LRRC7: variants seen among roughly 807,000 people sequenced by gnomAD.
LRRC7 encodes leucine-rich repeat-containing protein 7.
A neutral mutation model predicts 175.7 loss-of-function variants in LRRC7; 23 were observed. The observed-to-expected ratio is 0.13, with a 90% CI of 0.09 to 0.19. The LOEUF (loss-of-function observed/expected upper bound fraction) is 0.19, where lower values mean the gene tolerates loss of function less well. Ranked by LOEUF, LRRC7 falls within the 10% of genes least tolerant of loss-of-function variation. The pLI, the probability that LRRC7 is intolerant of heterozygous loss-of-function variation, is 1.00. For missense variants in LRRC7, 1,354 were observed against 1,904.7 expected, an observed-to-expected ratio of 0.71 and a Z score of 5.38; for synonymous variants, 685 against 680.9, an observed-to-expected ratio of 1.01 and a Z score of -0.09.
At chr1:69,932,250 A>C (rs931357607) in intron 8 of LRRC7, among the ~76,000 whole-genome samples, 1 of 152,200 alleles carries the variant, frequency 6.6e-6, no homozygotes, top group African/African-American at 2.4e-5. Context: ...CAAAAAATTC[A>C]ATTCATCTAA....
At chr1:69,977,792 G>A (rs139200639) in intron 8 of LRRC7, among the ~76,000 whole-genome samples, 42 of 152,244 alleles carry the variant, frequency 2.8e-4, no homozygotes, top group Middle Eastern at 3.4e-3. Context: ...GGGCAGAAAC[G>A]CATGCTGGAC....
chr1:70,023,256 A>G lies in LRRC7; in HGVS notation c.1676A>G (p.Gln559Arg). 1.9e-6 allele frequency: 3 copies of G among 1,613,404 alleles called. No individual in the cohort carries two copies. The highest frequency in any genetic ancestry group is 2.5e-6 in the Non-Finnish European group (3 of 1,179,610). ...CAGATCCAAGATATGCCCGTCCCCC[A>G]GAATGACCCACAGCTGGCATGGGGT... Reference protein sequence around the residue: ...DQQIQDMPVPQNDPQLAWGCI... With the variant: ...DQQIQDMPVPRNDPQLAWGCI... The change falls in exon 17 of 27, where the codon CAG becomes CGG. Residue 559 changes from glutamine (Q) to arginine (R), a missense_variant. Physicochemically the swap from Gln to Arg is conservative, Grantham distance 43 (BLOSUM62 1). Transcript: ENST00000651989.
At chr1:69,604,178 G>A (rs1647210796) in intron 1 of LRRC7, among the ~76,000 whole-genome samples, 1 of 152,012 alleles carries the variant, frequency 6.6e-6, no homozygotes, top group Non-Finnish European at 1.5e-5. Context: ...AATTTACGTA[G>A]ATGAATTTTT....
At chr1:69,810,287 G>A (rs2101136854) in intron 4 of LRRC7, among the ~76,000 whole-genome samples, 1 of 152,112 alleles carries the variant, frequency 6.6e-6, no homozygotes, top group South Asian at 2.1e-4. Flanking sequence ...AAAAACAAAT[G>A]GAAAAACATT....
chr1:69,914,097 C>G (rs1287482152), intron 7 of LRRC7, among the ~76,000 whole-genome samples: 1 of 152,084 alleles, frequency 6.6e-6, no homozygotes, highest in Non-Finnish European at 1.5e-5. Context: ...AGAAGTTTTC[C>G]TGTCCTTGTG....
intron 2 of LRRC7, among the ~76,000 whole-genome samples, chr1:69,699,094 A>G (rs1348092628): frequency 6.6e-6 from 1 of 152,114 alleles, no homozygotes; most frequent in Admixed American, 6.6e-5. Context: ...AACTAGTTCA[A>G]CCATTGTGGA....
chr1:69,600,696 T>C (rs1647017912), intron 1 of LRRC7, among the ~76,000 whole-genome samples: 1 of 151,644 alleles, frequency 6.6e-6, no homozygotes, highest in South Asian at 2.1e-4. Context: ...TTTCTTATAA[T>C]AACTTTCTTG....
rs535289325 is a variant in LRRC7 at position 69,784,472 on chromosome 1, A to G, written c.304-7571A>G. On this transcript the variant is annotated intron_variant, in intron 3 of 26. Coordinates refer to ENST00000651989, the MANE Select transcript of LRRC7 (RefSeq NM_001370785.2). ...CACAAACAATAATAAAATAAATACAATGACTCACAAAAGACATGGTTCCTC... is the reference window on the plus strand; with the variant it reads ...CACAAACAATAATAAAATAAATACAGTGACTCACAAAAGACATGGTTCCTC... Among the ~76,000 whole-genome samples the G allele has an allele frequency of 3.9e-5, 6 of 152,346 alleles. No individual in the cohort carries two copies. In the East Asian group the frequency reaches 9.6e-4, roughly 24 times the overall value.
chr1:70,101,636 A>C (rs185595543), intron 25 of LRRC7, among the ~76,000 whole-genome samples: 45 of 152,356 alleles, frequency 3.0e-4, no homozygotes, highest in Non-Finnish European at 4.4e-4. Context: ...TTAACAATGC[A>C]AGAAGCCTCC....
At chr1:69,708,636 G>T (rs1664335962) in intron 2 of LRRC7, among the ~76,000 whole-genome samples, 1 of 152,160 alleles carries the variant, frequency 6.6e-6, no homozygotes, top group Non-Finnish European at 1.5e-5. Context: ...CATTGGTTGG[G>T]GGCCTGATGG....
rs950810188 is a variant in LRRC7 at position 70,123,573 on chromosome 1, T to A, written c.*1686T>A. 6.6e-6 allele frequency: 1 copy of A among 152,208 alleles called. No homozygotes were observed. The highest frequency in any genetic ancestry group is 6.5e-5 in the Admixed American group (1 of 15,282). The allele number at this position is 152,208 out of a possible 1,614,324, so 9.4% of individuals were successfully genotyped here. A position where few individuals can be genotyped will look rare whatever the true frequency, so the allele number is the denominator to read the frequency against. ...TATAGATGATGCACTAATTTTGATG[T>A]TGCTTTATGTCAGGGTGACATTATA... is the stretch of plus-strand genomic sequence containing the variant. On this transcript the variant is annotated 3_prime_UTR_variant, in exon 27 of 27. Transcript: ENST00000651989.
chr1:70,052,544 G>C (rs1166883877), intron 22 of LRRC7, among the ~76,000 whole-genome samples: 3 of 151,928 alleles, frequency 2.0e-5, no homozygotes, highest in Admixed American at 6.6e-5. Flanking sequence ...AGCACTATTT[G>C]GGTTTAGTGC....
chr1:69,756,424 A>T (rs1229427781), intron 2 of LRRC7, among the ~76,000 whole-genome samples: 2 of 151,858 alleles, frequency 1.3e-5, no homozygotes, highest in Non-Finnish European at 2.9e-5. Flanking sequence ...GAAAGGGCTC[A>T]TCAAGTGCCT....
At chr1:69,985,647 C>T (rs1187844507) in intron 9 of LRRC7, among the ~76,000 whole-genome samples, 1 of 152,204 alleles carries the variant, frequency 6.6e-6, no homozygotes, top group Non-Finnish European at 1.5e-5. Flanking sequence ...ACTCCCCATC[C>T]ACCCAGCTCC....
At chr1:69,795,366 C>T (rs1675611118) in intron 4 of LRRC7, among the ~76,000 whole-genome samples, 1 of 134,992 alleles carries the variant, frequency 7.4e-6, no homozygotes, top group African/African-American at 2.8e-5. Flanking sequence ...CAGAGCAAGA[C>T]ACCGTCTCGA....
chr1:69,858,953 T>C (rs557184072), intron 7 of LRRC7, among the ~76,000 whole-genome samples: 60 of 152,092 alleles, frequency 3.9e-4, no homozygotes, highest in Non-Finnish European at 8.1e-4. Context: ...ATTGCAAATA[T>C]ATACGAACTC....
chr1:69,787,317 A>G (rs1199028937), intron 3 of LRRC7, among the ~76,000 whole-genome samples: 1 of 152,088 alleles, frequency 6.6e-6, no homozygotes, highest in African/African-American at 2.4e-5. Flanking sequence ...CTCTCAGAGG[A>G]TCTACCATTC....
At position 69,883,915 on chromosome 1, in the gene LRRC7, A is replaced by G. The variant is rs1361553294; in HGVS notation, c.647+45632A>G. Among the ~76,000 whole-genome samples, 3 of 84,566 alleles carry G rather than the reference A, an allele frequency of 3.5e-5. 1 individual carries two copies. Among genetic ancestry groups the G allele is most frequent in the Non-Finnish European group, 4.9e-5 (2 of 40,626 alleles). The allele number at this position is 84,566 out of a possible 152,430, so 55.5% of individuals were successfully genotyped here. On this transcript the variant is annotated intron_variant, in intron 7 of 26. Coordinates refer to ENST00000651989, the MANE Select transcript of LRRC7 (RefSeq NM_001370785.2). ...GTTTTTCTCAGGTTTGTCAAAGATC[A>G]GATAGTTGTAGATATGCGGCATTAT...
intron 7 of LRRC7, among the ~76,000 whole-genome samples, chr1:69,910,665 G>A (rs1405598302): frequency 6.6e-6 from 1 of 152,206 alleles, no homozygotes; most frequent in Non-Finnish European, 1.5e-5. Context: ...TGCTTCAGGA[G>A]GCAGTCTGCC....
Sources: allele counts gnomAD v4.1 joint callset (sites outside exome capture counted in the v4.1 genomes callset), GRCh38; gene constraint gnomAD v4.1.1; transcripts MANE v1.5; gene names NCBI Gene and HGNC (gene_info 2026-07-23, HGNC 2026-07-21).